Variants in DOT1L observed in about 807,000 individuals in gnomAD.
DOT1L encodes the protein histone-lysine N-methyltransferase, H3 lysine-79 specific.
Under a neutral mutation model 153.3 loss-of-function variants are expected in DOT1L, and 33 were observed. The observed-to-expected ratio is 0.22, with a 90% CI of 0.16 to 0.29. The LOEUF (loss-of-function observed/expected upper bound fraction) is 0.29, where lower values mean the gene tolerates loss of function less well. Ranked by LOEUF, DOT1L falls within the 10% of genes least tolerant of loss-of-function variation. The pLI is 1.00. For missense variants in DOT1L, 1,847 were observed against 2,119.9 expected, an observed-to-expected ratio of 0.87 and a Z score of 2.53; for synonymous variants, 1,135 against 965.1, an observed-to-expected ratio of 1.18 and a Z score of -3.26.
At chr19:2,167,739 T>C (rs12981656) in intron 1 of DOT1L, among the ~76,000 whole-genome samples, 126 of 84,008 alleles carry the variant, frequency 1.5e-3, no homozygotes, top group Non-Finnish European at 2.0e-3. Flanking sequence ...CTTTTCTTTT[T>C]TTTTTTTTTT....
chr19:2,202,111 C>T (rs949224359), intron 8 of DOT1L, among the ~76,000 whole-genome samples: 10 of 152,334 alleles, frequency 6.6e-5, no homozygotes, highest in African/African-American at 1.7e-4. Context: ...TCCCTAAGTG[C>T]GGTCCTGAGT....
chr19:2,226,758 G>A lies in DOT1L; in HGVS notation c.4237G>A (p.Ala1413Thr), dbSNP rs2144935191. The A allele has an allele frequency of 4.5e-6, 7 of 1,563,680 alleles. No individual in the cohort carries two copies. Among genetic ancestry groups the A allele is most frequent in the Non-Finnish European group, 6.0e-6 (7 of 1,161,132 alleles). The change falls in exon 27 of 28, where the codon GCC (alanine) becomes ACC (threonine). Residue 1413 changes from alanine (A) to threonine (T), a missense_variant. Coordinates refer to ENST00000398665, the MANE Select transcript of DOT1L (RefSeq NM_032482.3). ...TPLLSGKAAK[A>T]RDREVDLKNG... The stretch of plus-strand genomic sequence containing the variant: ...ACTGCTGAGCGGCAAGGCCGCCAAG[G>A]CCCGGGACCGCGAGGTCGACCTCAA...
chr19:2,208,774 C>T lies in DOT1L; in HGVS notation c.964-161C>T, dbSNP rs1398292872. Among the ~76,000 whole-genome samples, 3 of 152,142 alleles carry T rather than the reference C, an allele frequency of 2.0e-5. No individual in the cohort carries two copies. The highest frequency in any genetic ancestry group is 4.8e-5 in the African/African-American group (2 of 41,418). On this transcript the variant is annotated intron_variant, in intron 11 of 27. Coordinates refer to ENST00000398665, the MANE Select transcript of DOT1L (RefSeq NM_032482.3). This position sits in a 1 kb window ranked among gnomAD's most constrained non-coding sequence, Gnocchi z 4.4. ...GCCACAGCTGGGTTAGTCACATCCG[C>T]GTTTGCCACTGGGGGGCTCTAGCTG...
chr19:2,227,754 G>A (rs2024414457), intron 27 of DOT1L: 2 of 1,318,898 alleles, frequency 1.5e-6, no homozygotes, highest in African/African-American at 1.5e-5. Flanking sequence ...TAACCACGCG[G>A]TGCCCTCCGC....
At chr19:2,187,427 G>A (rs919496679) in intron 3 of DOT1L, among the ~76,000 whole-genome samples, 5 of 152,218 alleles carry the variant, frequency 3.3e-5, no homozygotes, top group African/African-American at 1.2e-4. Flanking sequence ...GGACATCAGG[G>A]ACAGGCTGGG....
Position 2,229,576 on chromosome 19 carries a change from C to T in DOT1L, c.4607-209C>T, listed in dbSNP as rs767601737. On this transcript the variant is annotated intron_variant, in intron 27 of 27. Transcript: ENST00000398665. Reference sequence around the variant, plus strand: ...TGGAGGAAGGCTGGAGCTTGGCCGGCGTGTCCAGGTGTCAGGCTCCCTGGT... The same window carrying T: ...TGGAGGAAGGCTGGAGCTTGGCCGGTGTGTCCAGGTGTCAGGCTCCCTGGT... 149 of 985,460 alleles carry T rather than the reference C, an allele frequency of 1.5e-4. No homozygotes were observed. In the Admixed American group the frequency reaches 1.8e-3, roughly 12 times the overall value. 61.0% of individuals were successfully genotyped at this position (985,460 alleles called of 1,614,324 possible).
chr19:2,225,594 G>A, intron 26 of DOT1L, 142 bp downstream of exon 26: 1 of 951,776 alleles, frequency 1.1e-6, no homozygotes. Context: ...GCGTGGTGCT[G>A]GCCTGCTGCG....
At position 2,229,810 on chromosome 19, in the gene DOT1L, C is replaced by T. The variant is rs762252190; in HGVS notation, c.*18C>T. 8 of 1,613,118 alleles carry T rather than the reference C, an allele frequency of 5.0e-6. No homozygotes were observed. The Admixed American group carries it at 5.0e-5, about 10-fold the overall frequency. On this transcript the variant is annotated 3_prime_UTR_variant, in exon 28 of 28. Transcript: ENST00000398665. Reference sequence around the variant, plus strand: ...GTAACTAGGATTTCTACCTCAACCGCGAGACCTATGCAAGGACGGTGTGGA... The same window carrying T: ...GTAACTAGGATTTCTACCTCAACCGTGAGACCTATGCAAGGACGGTGTGGA...
At position 2,175,067 on chromosome 19, in the gene DOT1L, C is replaced by T. The variant is rs972761753; in HGVS notation, c.82-5646C>T. Among the ~76,000 whole-genome samples the T allele has an allele frequency of 6.6e-5, 10 of 150,682 alleles. 1 individual carries two copies. The highest frequency in any genetic ancestry group is 2.6e-4 in the Admixed American group (4 of 15,122). ...AGGCTGGAGTGCAGTGGCGCCATCTCGGCTCACTGCAAGCCCCGCCTCCCG... is the reference window on the plus strand; with the variant it reads ...AGGCTGGAGTGCAGTGGCGCCATCTTGGCTCACTGCAAGCCCCGCCTCCCG... On this transcript the variant is annotated intron_variant, in intron 1 of 27. Coordinates refer to ENST00000398665, the MANE Select transcript of DOT1L (RefSeq NM_032482.3).
chr19:2,207,831 C>T lies in DOT1L; in HGVS notation c.963+151C>T. 1.4e-6 allele frequency: 1 copy of T among 699,690 alleles called. No homozygotes were observed. Among genetic ancestry groups the T allele is most frequent in the Non-Finnish European group, 2.3e-6 (1 of 426,748 alleles). The allele number at this position is 699,690 out of a possible 1,614,324, so 43.3% of individuals were successfully genotyped here. ...GCCCCTGAGCTCAGGCCCAGCTCCT[C>T]AAGGCCCCTCAGTACTGCTTGCACC... On this transcript the variant is annotated intron_variant, in intron 11 of 27. Coordinates refer to ENST00000398665, the MANE Select transcript of DOT1L (RefSeq NM_032482.3). This position sits in a 1 kb window ranked among gnomAD's most constrained non-coding sequence, Gnocchi z 4.5.
At chr19:2,187,439 A>T (rs1390947008) in intron 3 of DOT1L, among the ~76,000 whole-genome samples, 5 of 152,192 alleles carry the variant, frequency 3.3e-5, no homozygotes, top group Non-Finnish European at 7.3e-5. Context: ...CAGGCTGGGC[A>T]GGGGGTCTTC....
intron 1 of DOT1L, among the ~76,000 whole-genome samples, chr19:2,166,928 C>A (rs972382565): frequency 6.6e-6 from 1 of 152,198 alleles, no homozygotes; most frequent in Non-Finnish European, 1.5e-5. Flanking sequence ...GTAGTTCTGC[C>A]ATTCTCAGAA....
rs749330602 is a variant in DOT1L at position 2,226,218 on chromosome 19, G to A, written c.3697G>A (p.Gly1233Ser). 20 of 1,528,646 alleles carry A rather than the reference G, an allele frequency of 1.3e-5. No individual in the cohort carries two copies. Among genetic ancestry groups the A allele is most frequent in the Admixed American group, 6.1e-5 (3 of 49,274 alleles). The allele number at this position is 1,528,646 out of a possible 1,614,324, so 94.7% of individuals were successfully genotyped here. A position where few individuals can be genotyped will look rare whatever the true frequency, so the allele number is the denominator to read the frequency against. Residue 1233 changes from glycine (G) to serine (S), a missense_variant, in exon 27 of 28, where the codon GGC becomes AGC. Around this residue, in one of 8 missense-constraint regions of DOT1L, gnomAD observed 934 missense variants for 825.3 expected, o/e 1.13. Coordinates refer to ENST00000398665, the MANE Select transcript of DOT1L (RefSeq NM_032482.3). Reference sequence around the variant, plus strand: ...GGCGGGAAGGAAGCCCGCGCCCGCCGGCGAGCCAGTCAATAGCAGCAAGTG... The same window carrying A: ...GGCGGGAAGGAAGCCCGCGCCCGCCAGCGAGCCAGTCAATAGCAGCAAGTG... ...GLAGRKPAPAGEPVNSSKWKS... is the reference protein window; with the variant it reads ...GLAGRKPAPASEPVNSSKWKS...
At chr19:2,205,653 G>A (rs1252564074) in intron 9 of DOT1L, among the ~76,000 whole-genome samples, 1 of 151,968 alleles carries the variant, frequency 6.6e-6, no homozygotes, top group Non-Finnish European at 1.5e-5. Context: ...GCTTGTGTAC[G>A]GCTTGGGGGT....
At chr19:2,166,939 A>C (rs1258297501) in intron 1 of DOT1L, among the ~76,000 whole-genome samples, 1 of 152,196 alleles carries the variant, frequency 6.6e-6, no homozygotes, top group Non-Finnish European at 1.5e-5. Flanking sequence ...ATTCTCAGAA[A>C]GTTGGCTGAA....
intron 1 of DOT1L, among the ~76,000 whole-genome samples, chr19:2,168,645 C>T (rs996491871): frequency 2.0e-5 from 3 of 152,258 alleles, no homozygotes; most frequent in Admixed American, 1.3e-4. Context: ...GAGGGAATCT[C>T]GTACTGTTGC....
rs2024524274 is a variant in DOT1L at position 2,229,876 on chromosome 19, G to A, written c.*84G>A. 5 of 1,609,886 alleles carry A rather than the reference G, an allele frequency of 3.1e-6. No individual in the cohort carries two copies. Among genetic ancestry groups the A allele is most frequent in the Non-Finnish European group, 4.2e-6 (5 of 1,179,230 alleles). ...GGCATGGTGCCCGCCGGCCTGCCGG[G>A]CTCCCACCCCTGGACGGCAGAGGCA... On this transcript the variant is annotated 3_prime_UTR_variant, in exon 28 of 28. Transcript: ENST00000398665.
rs1315566168 is a variant in DOT1L at position 2,167,719 on chromosome 19, ATTTTC to A, written c.81+3469_81+3473del. Among the ~76,000 whole-genome samples the A allele has an allele frequency of 1.1e-4, 16 of 140,968 alleles. No individual in the cohort carries two copies. The South Asian group carries it at 2.9e-3, about 26-fold the overall frequency. The allele number at this position is 140,968 out of a possible 152,430, so 92.5% of individuals were successfully genotyped here. ...TCACAAGAAGTGAGGGGTGGTTCTGATTTTCTTTTCTTTTCTTTTTTTTTTTTTTT... is the reference window on the plus strand; with the variant it reads ...TCACAAGAAGTGAGGGGTGGTTCTGATTTTCTTTTCTTTTTTTTTTTTTTT... On this transcript the variant is annotated intron_variant, in intron 1 of 27. Transcript: ENST00000398665.
intron 8 of DOT1L, among the ~76,000 whole-genome samples, chr19:2,201,973 G>A (rs763674607): frequency 6.6e-6 from 1 of 152,210 alleles, no homozygotes; most frequent in Non-Finnish European, 1.5e-5. Context: ...TCTGACTCAC[G>A]ATGGTGGTGG....
Sources: allele counts gnomAD v4.1 joint callset (sites outside exome capture counted in the v4.1 genomes callset), GRCh38; gene constraint gnomAD v4.1.1; regional missense constraint gnomAD v4.1.1; non-coding constraint Gnocchi (gnomAD v3.1); transcripts MANE v1.5; gene names NCBI Gene and HGNC (gene_info 2026-07-23, HGNC 2026-07-21).